CTTNBP2: variants seen among roughly 807,000 people sequenced by gnomAD.
CTTNBP2 encodes cortactin binding protein 2, also known as cortactin-binding protein 2.
CTTNBP2 carries 108 observed loss-of-function variants against 156.9 expected under a neutral mutation model. The ratio of observed to expected loss-of-function variants is 0.69; its 90% CI spans 0.59 to 0.81. The LOEUF (loss-of-function observed/expected upper bound fraction) is 0.81, where lower values mean the gene tolerates loss of function less well. Among genes scored for constraint, CTTNBP2 ranks in the 30% least tolerant of loss-of-function variants. CTTNBP2 has a pLI of 0.00. For synonymous variants in CTTNBP2, 767 were observed against 751.8 expected (o/e 1.02, Z -0.33); for missense variants, 1,924 against 2,035.4 (o/e 0.95, Z 1.05).
At chr7:117,738,576 G>A (rs1007045876) in intron 14 of CTTNBP2, among the ~76,000 whole-genome samples, 5 of 152,182 alleles carry the variant, frequency 3.3e-5, no homozygotes, top group Admixed American at 1.3e-4. Context: ...TGAAAGAGGG[G>A]CAGAGAGGAA....
intron 12 of CTTNBP2, among the ~76,000 whole-genome samples, chr7:117,750,312 G>T (rs1796552188): frequency 6.6e-6 from 1 of 152,102 alleles, no homozygotes; most frequent in Admixed American, 6.6e-5. Flanking sequence ...TTCTCAGACT[G>T]TAGGTTTTTA....
At chr7:117,727,544 G>A (rs752343657) in intron 17 of CTTNBP2, among the ~76,000 whole-genome samples, 1 of 152,150 alleles carries the variant, frequency 6.6e-6, no homozygotes, top group Non-Finnish European at 1.5e-5. Flanking sequence ...TCTGCCCATG[G>A]CACCAGAAAC....
intron 16 of CTTNBP2, among the ~76,000 whole-genome samples, chr7:117,729,937 G>A (rs931360699): frequency 6.6e-6 from 1 of 152,086 alleles, no homozygotes; most frequent in African/African-American, 2.4e-5. Context: ...TATGGAAGAG[G>A]GAAGGAACTG....
Position 117,767,141 on chromosome 7 carries a change from A to T in CTTNBP2, c.2814T>A (p.Leu938=). 6.2e-7 allele frequency: 1 copy of T among 1,612,416 alleles called. No individual in the cohort carries two copies. Residue 938 remains leucine (L), a synonymous_variant, in exon 9 of 23, where the codon CTT becomes CTA. Transcript: ENST00000160373. The stretch of plus-strand genomic sequence containing the variant: ...TGCACTTGTCTCTCCTTTCTGGCTC[A>T]AGCCCTCCGTGCCTACACAAGATTT... The part of the protein sequence containing the change: ...CLEILCRHGG[L]EPERRDKCNR...
chr7:117,815,552 T>G (rs1014482079), intron 2 of CTTNBP2, among the ~76,000 whole-genome samples: 2 of 152,146 alleles, frequency 1.3e-5, no homozygotes, highest in Admixed American at 6.6e-5. Context: ...CCAGGAACTT[T>G]CGGTGACTTG....
At chr7:117,819,616 C>T (rs1301481381) in intron 2 of CTTNBP2, among the ~76,000 whole-genome samples, 1 of 152,130 alleles carries the variant, frequency 6.6e-6, no homozygotes. Flanking sequence ...ATCTCAGACA[C>T]TGCATCTGTG....
intron 2 of CTTNBP2, among the ~76,000 whole-genome samples, chr7:117,859,265 C>G (rs1369187131): frequency 6.6e-6 from 1 of 152,168 alleles, no homozygotes; most frequent in Non-Finnish European, 1.5e-5. Flanking sequence ...TTCTAACATT[C>G]CTTGACTCTA....
At chr7:117,813,142 C>A (rs1241514632) in intron 2 of CTTNBP2, among the ~76,000 whole-genome samples, 1 of 152,106 alleles carries the variant, frequency 6.6e-6, no homozygotes, top group Admixed American at 6.6e-5. Flanking sequence ...CTTTACCAAC[C>A]CAGTGTGAAG....
chr7:117,854,363 C>A (rs1803120871), intron 2 of CTTNBP2, among the ~76,000 whole-genome samples: 2 of 152,160 alleles, frequency 1.3e-5, no homozygotes, highest in South Asian at 2.1e-4. Context: ...CAATAAAAAG[C>A]CAGATTGTTA....
intron 22 of CTTNBP2, chr7:117,715,862 G>A (rs969332510): frequency 2.6e-5 from 4 of 152,180 alleles, no homozygotes; most frequent in African/African-American, 7.2e-5. Context: ...ACCTCTAAAT[G>A]GAGATACTTC....
At chr7:117,803,135 C>G (rs1799729552) in intron 3 of CTTNBP2, among the ~76,000 whole-genome samples, 1 of 149,970 alleles carries the variant, frequency 6.7e-6, no homozygotes, top group African/African-American at 2.5e-5. Flanking sequence ...AACCTAGGTG[C>G]CCATCAACAG....
chr7:117,769,888 T>C (rs1279725005), intron 8 of CTTNBP2, among the ~76,000 whole-genome samples: 4 of 152,224 alleles, frequency 2.6e-5, no homozygotes, highest in Non-Finnish European at 5.9e-5. Context: ...CCATCCAAAA[T>C]GACTCTATCT....
At position 117,827,533 on chromosome 7, in the gene CTTNBP2, G is replaced by A. The variant is rs549399758; in HGVS notation, c.190-16544C>T. ...TTACAAAAAATAGACACATGAGCAC[G>A]TATACAAACAAACAAGCAAGCAAGT... On this transcript the variant is annotated intron_variant, in intron 2 of 22. Coordinates refer to ENST00000160373, the MANE Select transcript of CTTNBP2 (RefSeq NM_033427.3). 3.3e-5 allele frequency among the ~76,000 whole-genome samples: 5 copies of A among 152,280 alleles called. No individual in the cohort carries two copies. The East Asian group carries it at 7.7e-4, about 24-fold the overall frequency.
chr7:117,740,668 C>A (rs912886949), intron 14 of CTTNBP2, among the ~76,000 whole-genome samples: 7 of 152,142 alleles, frequency 4.6e-5, no homozygotes, highest in Non-Finnish European at 8.8e-5. Flanking sequence ...GCCTAGAAAA[C>A]CCCTTTCCTC....
intron 6 of CTTNBP2, 74 bp from the exon 7 acceptor site, chr7:117,780,665 A>G (rs1370447565): frequency 1.2e-6 from 1 of 861,104 alleles, no homozygotes; most frequent in Non-Finnish European, 1.7e-6. Context: ...CAAGATATTA[A>G]ATACAGAAAA....
chr7:117,803,846 C>T (rs1799769560), intron 3 of CTTNBP2, among the ~76,000 whole-genome samples: 1 of 151,986 alleles, frequency 6.6e-6, no homozygotes, highest in Admixed American at 6.5e-5. Flanking sequence ...ATATTTTGTC[C>T]TTAAAAAAGG....
At chr7:117,765,686 C>T (rs993927203) in intron 9 of CTTNBP2, among the ~76,000 whole-genome samples, 3 of 152,112 alleles carry the variant, frequency 2.0e-5, no homozygotes, top group Admixed American at 2.0e-4. Context: ...TATACCATTT[C>T]CCTCTCCTCC....
At chr7:117,723,471 G>A (rs116827570) in intron 19 of CTTNBP2, among the ~76,000 whole-genome samples, 1 of 152,294 alleles carries the variant, frequency 6.6e-6, no homozygotes, top group African/African-American at 2.4e-5. Flanking sequence ...TTTGAGAGAG[G>A]AGGAAAATGA....
chr7:117,823,442 A>C (rs556959062), intron 2 of CTTNBP2, among the ~76,000 whole-genome samples: 1 of 152,328 alleles, frequency 6.6e-6, no homozygotes, highest in Admixed American at 6.5e-5. Flanking sequence ...AATTTGCATA[A>C]ATTTGAAAAT....
Sources: allele counts gnomAD v4.1 joint callset (sites outside exome capture counted in the v4.1 genomes callset), GRCh38; gene constraint gnomAD v4.1.1; transcripts MANE v1.5; gene names NCBI Gene and HGNC (gene_info 2026-07-23, HGNC 2026-07-21).